Variants in ABCB5 observed in about 807,000 individuals in gnomAD.
ABCB5 encodes the protein ATP binding cassette subfamily B member 5.
A neutral mutation model predicts 144.2 loss-of-function variants in ABCB5; 155 were observed. That is an observed-to-expected ratio of 1.08 (90% CI 0.94 to 1.23). ABCB5 has a LOEUF of 1.23. Among genes scored for constraint, ABCB5 ranks in the 50% most tolerant of loss-of-function variants. ABCB5 has a pLI of 0.00. For missense variants in ABCB5, 1,830 were observed against 1,520.8 expected, an observed-to-expected ratio of 1.20 and a Z score of -3.38; for synonymous variants, 610 against 528.6, an observed-to-expected ratio of 1.15 and a Z score of -2.11.
chr7:20,715,403 A>ATGTGTG (rs889566647), intron 20 of ABCB5, among the ~76,000 whole-genome samples: 3 of 151,476 alleles, frequency 2.0e-5, no homozygotes, highest in Non-Finnish European at 4.4e-5. Flanking sequence ...TGCGTGGTGT[A>ATGTGTG]TGTGTGTGTG....
intron 20 of ABCB5, among the ~76,000 whole-genome samples, chr7:20,708,802 C>T (rs1786912155): frequency 1.3e-5 from 2 of 152,154 alleles, no homozygotes; most frequent in Non-Finnish European, 2.9e-5. Context: ...TAAATTTGTC[C>T]AACCAAGGCT....
intron 16 of ABCB5, among the ~76,000 whole-genome samples, chr7:20,689,583 G>C (rs963634423): frequency 6.6e-6 from 1 of 152,138 alleles, no homozygotes; most frequent in Admixed American, 6.6e-5. Flanking sequence ...CCTAAGCCAA[G>C]AGCTAGAGAA....
intron 5 of ABCB5, among the ~76,000 whole-genome samples, chr7:20,638,618 T>C (rs887083970): frequency 2.0e-5 from 3 of 152,200 alleles, no homozygotes; most frequent in Non-Finnish European, 2.9e-5. Flanking sequence ...ATATGTAAGG[T>C]TCTTGTACCT....
intron 13 of ABCB5, among the ~76,000 whole-genome samples, chr7:20,656,985 C>T (rs1263649903): frequency 6.8e-6 from 1 of 147,490 alleles, no homozygotes; most frequent in African/African-American, 2.5e-5. Context: ...ACAATCTCAG[C>T]TCACTGCAGC....
At chr7:20,649,936 G>A in intron 11 of ABCB5, 86 bp from the exon 12 acceptor site, 1 of 1,426,414 alleles carries the variant, frequency 7.0e-7, no homozygotes, top group Non-Finnish European at 9.4e-7. Context: ...TTTGTTTTTG[G>A]TTATAATTAT....
intron 11 of ABCB5, among the ~76,000 whole-genome samples, chr7:20,649,390 C>G (rs925745774): frequency 6.6e-6 from 1 of 152,148 alleles, no homozygotes; most frequent in Non-Finnish European, 1.5e-5. Flanking sequence ...GTGAGAATTT[C>G]TCAACAGGAT....
chr7:20,685,671 A>G, intron 15 of ABCB5, 25 bp from the exon 16 acceptor site: 3 of 1,563,046 alleles, frequency 1.9e-6, no homozygotes, highest in Non-Finnish European at 2.6e-6. Flanking sequence ...TCTTATAATG[A>G]TAACCTATAT....
chr7:20,688,562 G>C (rs113106817), intron 16 of ABCB5, among the ~76,000 whole-genome samples: 2 of 151,996 alleles, frequency 1.3e-5, no homozygotes, highest in African/African-American at 4.8e-5. Flanking sequence ...TCAGTGTGGC[G>C]ATTCCTCAAG....
chr7:20,657,791 T>G (rs1784858650), intron 13 of ABCB5, among the ~76,000 whole-genome samples: 1 of 152,198 alleles, frequency 6.6e-6, no homozygotes, highest in East Asian at 1.9e-4. Context: ...AAGCCTGATT[T>G]TTTAAATGTG....
chr7:20,741,103 A>C (rs75718923), intron 24 of ABCB5, among the ~76,000 whole-genome samples: 2 of 134,366 alleles, frequency 1.5e-5, no homozygotes, highest in Non-Finnish European at 3.4e-5. Flanking sequence ...ACTCCTTCTC[A>C]AAAAAAAAAA....
chr7:20,688,971 G>T (rs560382022), intron 16 of ABCB5, among the ~76,000 whole-genome samples: 1 of 151,642 alleles, frequency 6.6e-6, no homozygotes. Flanking sequence ...CTGTGGTGGG[G>T]TGGGGAGAGG....
At chr7:20,694,808 G>C (rs1200178176) in intron 16 of ABCB5, among the ~76,000 whole-genome samples, 3 of 151,950 alleles carry the variant, frequency 2.0e-5, no homozygotes, top group African/African-American at 4.8e-5. Context: ...CAAGTGGGAA[G>C]TGGGAAATTA....
In ABCB5 at chr7:20,699,515, G is replaced by A. The variant is rs1349616204; in HGVS notation, c.2155-310G>A. Among the ~76,000 whole-genome samples, 4 of 152,050 alleles carry A rather than the reference G, an allele frequency of 2.6e-5. No homozygotes were observed. In the East Asian group the frequency reaches 7.7e-4, roughly 29 times the overall value. ...CAAGAGCTTGAGACCAGCCTGCCCAGTATAGTGAAACCCCATCTCTATTAA... is the reference window on the plus strand; with the variant it reads ...CAAGAGCTTGAGACCAGCCTGCCCAATATAGTGAAACCCCATCTCTATTAA... On this transcript the variant is annotated intron_variant, in intron 17 of 27. Transcript: ENST00000404938.
intron 14 of ABCB5, among the ~76,000 whole-genome samples, chr7:20,678,983 AC>A (rs1195901253): frequency 6.6e-6 from 1 of 152,366 alleles, no homozygotes; most frequent in East Asian, 1.9e-4. Flanking sequence ...CCCAGGTGTT[AC>A]ATATCACATC....
At chr7:20,742,465 A>G (rs1181647200) in intron 24 of ABCB5, among the ~76,000 whole-genome samples, 1 of 152,252 alleles carries the variant, frequency 6.6e-6, no homozygotes, top group Non-Finnish European at 1.5e-5. Flanking sequence ...ATTTAGAGAA[A>G]TAACCCTCAT....
intron 20 of ABCB5, among the ~76,000 whole-genome samples, chr7:20,714,038 C>T (rs1198308685): frequency 1.3e-5 from 2 of 152,180 alleles, no homozygotes; most frequent in African/African-American, 4.8e-5. Context: ...CAGGGGTCAC[C>T]TTGTTTGTTT....
intron 26 of ABCB5, among the ~76,000 whole-genome samples, chr7:20,747,066 G>T (rs1419734646): frequency 6.6e-6 from 1 of 152,010 alleles, no homozygotes; most frequent in Non-Finnish European, 1.5e-5. Context: ...CTCTGGTAAG[G>T]GTTTGCAGTA....
chr7:20,660,988 A>C (rs1784985065), intron 14 of ABCB5, among the ~76,000 whole-genome samples: 1 of 152,210 alleles, frequency 6.6e-6, no homozygotes, highest in African/African-American at 2.4e-5. Context: ...TTCTAACTAA[A>C]CAGCAACATG....
chr7:20,731,744 G>A (rs1347092537), intron 23 of ABCB5, among the ~76,000 whole-genome samples: 1 of 152,060 alleles, frequency 6.6e-6, no homozygotes, highest in Non-Finnish European at 1.5e-5. Flanking sequence ...CAAAAATGTT[G>A]GAGTCATCCC....
Sources: allele counts gnomAD v4.1 joint callset (sites outside exome capture counted in the v4.1 genomes callset), GRCh38; gene constraint gnomAD v4.1.1; transcripts MANE v1.5; gene names NCBI Gene and HGNC (gene_info 2026-07-23, HGNC 2026-07-21).